The following TNKS variants were observed in gnomAD, a reference collection of about 807,000 sequenced individuals.
The protein encoded by TNKS is poly [ADP-ribose] polymerase tankyrase-1.
A neutral mutation model predicts 135.8 loss-of-function variants in TNKS; 72 were observed. The ratio of observed to expected loss-of-function variants is 0.53; its 90% CI spans 0.44 to 0.64. The LOEUF is 0.64. TNKS is among the 30% of genes least tolerant of loss of function. TNKS has a pLI of 0.00. For synonymous variants in TNKS, 849 were observed against 649.3 expected (o/e 1.31, Z -4.68); for missense variants, 1,769 against 1,674.0 (o/e 1.06, Z -0.99).
intron 20 of TNKS, among the ~76,000 whole-genome samples, chr8:9,757,422 A>G (rs747827797): frequency 2.6e-5 from 4 of 152,136 alleles, no homozygotes; most frequent in Non-Finnish European, 5.9e-5. Context: ...AGGTCCCTCA[A>G]ATACTCTGTA....
chr8:9,638,905 G>C (rs1800621354), intron 3 of TNKS, among the ~76,000 whole-genome samples: 3 of 152,106 alleles, frequency 2.0e-5, no homozygotes, highest in Admixed American at 2.0e-4. Flanking sequence ...CAGGGCAAAA[G>C]AACCTAAAAG....
intron 18 of TNKS, 37 bp from the exon 19 acceptor site, chr8:9,751,567 ATATAG>A: frequency 6.4e-7 from 1 of 1,558,392 alleles, no homozygotes; most frequent in Non-Finnish European, 8.8e-7. Context: ...CCATTTTAAT[ATATAG>A]TATTTTCATG....
intron 3 of TNKS, among the ~76,000 whole-genome samples, chr8:9,658,631 T>G (rs1801541155): frequency 6.6e-6 from 1 of 152,150 alleles, no homozygotes; most frequent in Non-Finnish European, 1.5e-5. Flanking sequence ...TGCAAAAACA[T>G]GCCAAATTGT....
intron 3 of TNKS, among the ~76,000 whole-genome samples, chr8:9,661,797 T>A (rs1259108283): frequency 1.3e-5 from 2 of 152,078 alleles, no homozygotes; most frequent in African/African-American, 2.4e-5. Flanking sequence ...GTGAACGGGC[T>A]ACCTACAGAA....
intron 2 of TNKS, among the ~76,000 whole-genome samples, chr8:9,613,468 C>G (rs1405948403): frequency 6.6e-6 from 1 of 152,152 alleles, no homozygotes; most frequent in Non-Finnish European, 1.5e-5. Context: ...TCCTAAAAGT[C>G]TTAACTTTAC....
intron 5 of TNKS, among the ~76,000 whole-genome samples, chr8:9,682,281 T>C (rs931690802): frequency 4.6e-5 from 7 of 152,146 alleles, no homozygotes; most frequent in African/African-American, 1.4e-4. Context: ...ACAGAACTTA[T>C]GTGAGATTTC....
At chr8:9,679,895 T>G in intron 3 of TNKS, 56 bp from the exon 4 acceptor site, 1 of 1,422,310 alleles carries the variant, frequency 7.0e-7, no homozygotes, top group Non-Finnish European at 9.9e-7. Flanking sequence ...GCCTACTGCA[T>G]TTCTTAATCT....
At chr8:9,639,842 C>T (rs961144445) in intron 3 of TNKS, among the ~76,000 whole-genome samples, 24 of 152,150 alleles carry the variant, frequency 1.6e-4, no homozygotes, top group African/African-American at 5.8e-4. Context: ...CTTTCATTCA[C>T]TTTCCTTTAA....
At chr8:9,704,899 C>G in intron 6 of TNKS, 142 bp downstream of exon 6, 1 of 484,084 alleles carries the variant, frequency 2.1e-6, no homozygotes, top group Non-Finnish European at 3.5e-6. Context: ...TGGTTTGAGG[C>G]TTTATTTTCA....
In TNKS at chr8:9,736,346, C is replaced by T. The variant is rs1805703226; in HGVS notation, c.2643+860C>T. ...CACCCTGATCAACATAGTGAGACCT[C>T]ATCTAAAAAAAAAAAAAAAAAAAAA... is the stretch of plus-strand genomic sequence containing the variant. On this transcript the variant is annotated intron_variant, in intron 17 of 26. Coordinates refer to ENST00000310430, the MANE Select transcript of TNKS (RefSeq NM_003747.3). Among the ~76,000 whole-genome samples, 14 of 108,542 alleles carry T rather than the reference C, an allele frequency of 1.3e-4. No individual in the cohort carries two copies. In the South Asian group the frequency reaches 5.0e-3, roughly 38 times the overall value. 71.2% of individuals were successfully genotyped at this position (108,542 alleles called of 152,430 possible).
chr8:9,768,744 TAG>T (rs1201154816), intron 25 of TNKS, among the ~76,000 whole-genome samples: 14 of 152,190 alleles, frequency 9.2e-5, no homozygotes, highest in African/African-American at 3.1e-4. Flanking sequence ...GCCACAAATG[TAG>T]AGAGAGATGG....
chr8:9,676,373 T>C (rs1015957833), intron 3 of TNKS, among the ~76,000 whole-genome samples: 4 of 152,134 alleles, frequency 2.6e-5, no homozygotes, highest in Non-Finnish European at 5.9e-5. Flanking sequence ...TCATAGTCTT[T>C]CCATGCTATT....
intron 18 of TNKS, among the ~76,000 whole-genome samples, chr8:9,750,752 T>G (rs1335001321): frequency 6.6e-6 from 1 of 152,194 alleles, no homozygotes; most frequent in African/African-American, 2.4e-5. Flanking sequence ...ACGTGACAAT[T>G]TATTATTTCT....
intron 3 of TNKS, among the ~76,000 whole-genome samples, chr8:9,642,186 C>T (rs915687635): frequency 6.8e-6 from 1 of 146,290 alleles, no homozygotes; most frequent in African/African-American, 2.5e-5. Context: ...TAATTATTTG[C>T]AGACGCCATT....
chr8:9,617,730 A>G (rs1563120473), intron 3 of TNKS, among the ~76,000 whole-genome samples: 1 of 152,208 alleles, frequency 6.6e-6, no homozygotes, highest in Non-Finnish European at 1.5e-5. Flanking sequence ...GGAATGCCTT[A>G]GAGTTATTAG....
At chr8:9,691,116 A>C (rs558255253) in intron 5 of TNKS, among the ~76,000 whole-genome samples, 1 of 152,382 alleles carries the variant, frequency 6.6e-6, no homozygotes, top group South Asian at 2.1e-4. Flanking sequence ...GAAGGTAGTC[A>C]GAAAATTCTT....
intron 11 of TNKS, among the ~76,000 whole-genome samples, chr8:9,717,479 A>G (rs1804668981): frequency 6.6e-6 from 1 of 152,066 alleles, no homozygotes; most frequent in African/African-American, 2.4e-5. Flanking sequence ...CTTCTCCCTC[A>G]ATTTCCAGGG....
At chr8:9,685,939 C>T (rs561657206) in intron 5 of TNKS, among the ~76,000 whole-genome samples, 4 of 152,234 alleles carry the variant, frequency 2.6e-5, no homozygotes, top group South Asian at 2.1e-4. Flanking sequence ...TCAGTACCCC[C>T]GTCTCTCAGT....
intron 1 of TNKS, among the ~76,000 whole-genome samples, chr8:9,579,658 G>A (rs1205476898): frequency 6.6e-6 from 1 of 151,980 alleles, no homozygotes; most frequent in East Asian, 1.9e-4. Context: ...TATTAGAGAC[G>A]GGGTATCACC....
Sources: gnomAD v4.1 joint callset for allele counts (sites outside exome capture counted in the v4.1 genomes callset) on GRCh38, gnomAD v4.1.1 for gene constraint, MANE v1.5 for transcripts, NCBI Gene and HGNC (gene_info 2026-07-23, HGNC 2026-07-21) for gene names.